The following FBXW4 variants were observed in gnomAD, a reference collection of about 807,000 sequenced individuals.
The protein encoded by FBXW4 is F-box/WD repeat-containing protein 4.
In FBXW4, 40 loss-of-function variants were observed where a neutral mutation model predicts 61.8. The observed-to-expected ratio is 0.65, with a 90% CI of 0.50 to 0.84. The LOEUF is 0.84. FBXW4 is among the 40% of genes least tolerant of loss of function. FBXW4 has a pLI of 0.00. For missense variants in FBXW4, 672 were observed against 753.8 expected (o/e 0.89, Z 1.27); for synonymous variants, 311 against 313.8 (o/e 0.99, Z 0.10).
rs551494729 is a variant in FBXW4, at chr10:101,663,714, GTA to G, written c.1235+4170_1235+4171del. On this transcript the variant is annotated intron_variant, in intron 5 of 8. Transcript: ENST00000331272. ...GAATTCCATGTGACCTCAGGAGGTT[GTA>G]TCTCTGAGGCCTGTGAGCTGAAGGT... 3.0e-3 allele frequency among the ~76,000 whole-genome samples: 459 copies of G among 151,746 alleles called. 5 individuals are homozygous for G. The highest frequency in any genetic ancestry group is 0.011 in the African/African-American group (446 of 41,322).
Position 101,667,995 on chromosome 10 carries a change from G to A in FBXW4, c.1141-15C>T. On this transcript the variant is annotated splice_polypyrimidine_tract_variant and intron_variant, in intron 4 of 8. Coordinates refer to ENST00000331272, the MANE Select transcript of FBXW4 (RefSeq NM_022039.4). Reference sequence around the variant, plus strand: ...AAAGGCCACACCTAGAAACAGGAGAGGAGATGCTCTCGTTGGCATTGCCTG... The same window carrying A: ...AAAGGCCACACCTAGAAACAGGAGAAGAGATGCTCTCGTTGGCATTGCCTG... 1 of 1,607,570 alleles carries A rather than the reference G, an allele frequency of 6.2e-7. No homozygotes were observed. Among genetic ancestry groups the A allele is most frequent in the Non-Finnish European group, 8.5e-7 (1 of 1,173,966 alleles).
intron 1 of FBXW4, among the ~76,000 whole-genome samples, chr10:101,685,706 T>C (rs2064526971): frequency 6.6e-6 from 1 of 151,984 alleles, no homozygotes; most frequent in Non-Finnish European, 1.5e-5. Flanking sequence ...TAAAAAAAAA[T>C]GACATTTACC....
At chr10:101,658,802 C>T (rs560259206) in intron 5 of FBXW4, among the ~76,000 whole-genome samples, 4 of 152,140 alleles carry the variant, frequency 2.6e-5, no homozygotes, top group Non-Finnish European at 5.9e-5. Flanking sequence ...AGTCTACTTA[C>T]AAGAGTAAGC....
Position 101,694,721 on chromosome 10 carries a change from G to A in FBXW4, c.385C>T (p.Arg129Trp), listed in dbSNP as rs2064657634. 1.5e-6 allele frequency: 2 copies of A among 1,374,852 alleles called. No homozygotes were observed. The allele number at this position is 1,374,852 out of a possible 1,614,324, so 85.2% of individuals were successfully genotyped here. A position where few individuals can be genotyped will look rare whatever the true frequency, so the allele number is the denominator to read the frequency against. ...KKEEWRVRAR[R>W]REGARPGRAQ... is the part of the protein sequence containing the mutation. ...CTTCCCGGCCTGGCGCCCTCCCGCC[G>A]CCTAGCCCTGACCCTCCATTCCTCC... The change falls in exon 1 of 9, where the codon CGG becomes TGG. Residue 129 changes from arginine to tryptophan, a missense_variant. Arg to Trp is a moderately radical substitution (Grantham distance 101). Coordinates refer to ENST00000331272, the MANE Select transcript of FBXW4 (RefSeq NM_022039.4). This position sits in a 1 kb window ranked among gnomAD's most constrained non-coding sequence, Gnocchi z 6.0.
intron 5 of FBXW4, among the ~76,000 whole-genome samples, chr10:101,638,488 C>CAA (rs781303866): frequency 4.0e-4 from 32 of 79,608 alleles, no homozygotes; most frequent in African/African-American, 1.2e-3. Context: ...GGATGTCCTG[C>CAA]AAAAAAAAAA....
At chr10:101,656,261 G>C (rs2064184386) in intron 5 of FBXW4, among the ~76,000 whole-genome samples, 1 of 151,494 alleles carries the variant, frequency 6.6e-6, no homozygotes, top group African/African-American at 2.4e-5. Context: ...CATAATCAAA[G>C]TGGTGGTCAC....
At chr10:101,631,190 C>A (rs1446405044) in intron 5 of FBXW4, among the ~76,000 whole-genome samples, 1 of 152,166 alleles carries the variant, frequency 6.6e-6, no homozygotes, top group East Asian at 1.9e-4. Context: ...CTCAAAGAGA[C>A]AGTGCAGACA....
intron 6 of FBXW4, among the ~76,000 whole-genome samples, chr10:101,612,808 C>T (rs1207637504): frequency 1.3e-5 from 2 of 152,046 alleles, no homozygotes; most frequent in African/African-American, 4.8e-5. Context: ...GCCCCCCTCA[C>T]ATTCACATGC....
chr10:101,635,316 G>A (rs1454975345), intron 5 of FBXW4, among the ~76,000 whole-genome samples: 1 of 127,094 alleles, frequency 7.9e-6, no homozygotes, highest in African/African-American at 3.2e-5. Context: ...ACATTATGGT[G>A]AGTTGTATAA....
intron 5 of FBXW4, among the ~76,000 whole-genome samples, chr10:101,659,695 T>G (rs972811912): frequency 5.3e-5 from 8 of 152,240 alleles, no homozygotes; most frequent in African/African-American, 1.9e-4. Context: ...TGTAGTAGAG[T>G]TTCTTCTGAA....
Position 101,672,993 on chromosome 10 carries a change from C to T in FBXW4, c.1062G>A (p.Ser354=), listed in dbSNP as rs771457386. The T allele has an allele frequency of 1.4e-5, 22 of 1,614,016 alleles. 1 individual carries two copies. The South Asian group carries it at 1.8e-4, about 13-fold the overall frequency. ...KIHSTFTVKY[S]AHEQEVNCVD... is the part of the protein sequence containing the mutation. ...CACAGTTCACCTCCTGTTCATGAGC[C>T]GAGTACTTGACAGTGAAGGTGCTGT... The change falls in exon 4 of 9, where the codon TCG becomes TCA. Residue 354 remains serine, a synonymous_variant. Transcript: ENST00000331272.
intron 5 of FBXW4, among the ~76,000 whole-genome samples, chr10:101,627,253 T>A (rs2063914843): frequency 1.3e-5 from 2 of 152,090 alleles, no homozygotes; most frequent in African/African-American, 4.8e-5. Flanking sequence ...TTCCAAAAGC[T>A]GCCCTTTTCT....
At chr10:101,647,984 G>C (rs991449881) in intron 5 of FBXW4, among the ~76,000 whole-genome samples, 1 of 152,190 alleles carries the variant, frequency 6.6e-6, no homozygotes, top group Admixed American at 6.5e-5. Flanking sequence ...TGCAGGGAGG[G>C]AGATAAAAAT....
At position 101,611,758 on chromosome 10, in the gene FBXW4, A is replaced by G; in HGVS notation, c.1454T>C (p.Met485Thr). 1.2e-6 allele frequency: 2 copies of G among 1,613,790 alleles called. No homozygotes were observed. Among genetic ancestry groups the G allele is most frequent in the South Asian group, 1.1e-5 (1 of 91,066 alleles). ...GCTGTCGTGGGGCTCCTCCCACTCC[A>G]TGACACATTTCCTGTCCAGGAAGAG... ...DLRTSVRKCV[M>T]EWEEPHDSTL... The change falls in exon 8 of 9, where the codon ATG becomes ACG. Residue 485 changes from methionine to threonine, a missense_variant. Around this residue, in one of 5 missense-constraint regions of FBXW4, gnomAD observed 312 missense variants for 370.1 expected, o/e 0.84. Transcript: ENST00000331272. The surrounding 1 kb of genome is among the most constrained non-coding windows in gnomAD (Gnocchi z 4.9).
At chr10:101,661,042 T>C (rs1262651562) in intron 5 of FBXW4, among the ~76,000 whole-genome samples, 1 of 151,922 alleles carries the variant, frequency 6.6e-6, no homozygotes, top group Non-Finnish European at 1.5e-5. Context: ...GAGACAGAGA[T>C]GGAGAAAGAA....
intron 6 of FBXW4, among the ~76,000 whole-genome samples, chr10:101,622,494 G>A (rs1397022783): frequency 2.0e-5 from 3 of 152,092 alleles, no homozygotes; most frequent in Non-Finnish European, 4.4e-5. Context: ...TTGGGAGGCC[G>A]AGGCAGGCTG....
At chr10:101,626,321 C>A in intron 5 of FBXW4, 1 of 152,808 alleles carries the variant, frequency 6.5e-6, no homozygotes, top group Non-Finnish European at 1.5e-5. Context: ...AGGTGTTGCC[C>A]TCTCCTCCCT....
In FBXW4 at chr10:101,694,408, G is replaced by C; in HGVS notation, c.698C>G (p.Ser233Cys). ...WRRIARASLN[S>C]GFTRLGTDLM... ...GTCGGTGCCGAGCCGCGTGAAGCCG[G>C]AGTTGAGCGAGGCCCGGGCTATCCG... The change falls in exon 1 of 9, where the codon TCC becomes TGC. Residue 233 changes from serine (S) to cysteine (C), a missense_variant. Around this residue, in one of 5 missense-constraint regions of FBXW4, gnomAD observed 311 missense variants for 301.1 expected, o/e 1.03. Coordinates refer to ENST00000331272, the MANE Select transcript of FBXW4 (RefSeq NM_022039.4). This position sits in a 1 kb window ranked among gnomAD's most constrained non-coding sequence, Gnocchi z 6.0. The C allele has an allele frequency of 6.7e-7, 1 of 1,501,144 alleles. No individual in the cohort carries two copies. The highest frequency in any genetic ancestry group is 8.8e-7 in the Non-Finnish European group (1 of 1,137,430). 93.0% of individuals were successfully genotyped at this position (1,501,144 alleles called of 1,614,324 possible). A position where few individuals can be genotyped will look rare whatever the true frequency, so the allele number is the denominator to read the frequency against.
chr10:101,623,463 A>G (rs914315319), intron 6 of FBXW4, among the ~76,000 whole-genome samples: 1 of 152,250 alleles, frequency 6.6e-6, no homozygotes, highest in Non-Finnish European at 1.5e-5. Flanking sequence ...ATGTGAAGAA[A>G]TTGGATCTCT....
Sources: allele counts gnomAD v4.1 joint callset (sites outside exome capture counted in the v4.1 genomes callset), GRCh38; gene constraint gnomAD v4.1.1; regional missense constraint gnomAD v4.1.1; non-coding constraint Gnocchi (gnomAD v3.1); transcripts MANE v1.5; gene names NCBI Gene and HGNC (gene_info 2026-07-23, HGNC 2026-07-21).